Variants in NDST4 observed in about 807,000 individuals in gnomAD.
The protein encoded by NDST4 is N-deacetylase and N-sulfotransferase 4, also known as N-heparan sulfate sulfotransferase 4.
Under a neutral mutation model 100.8 loss-of-function variants are expected in NDST4, and 63 were observed. The ratio of observed to expected loss-of-function variants is 0.62; its 90% confidence interval spans 0.51 to 0.77. NDST4 has a LOEUF of 0.77. Ranked by LOEUF, NDST4 falls within the 30% of genes least tolerant of loss-of-function variation. The pLI is 0.00. For missense variants in NDST4, 943 were observed against 1,018.4 expected (o/e 0.93, Z 1.01); for synonymous variants, 377 against 361.8 (o/e 1.04, Z -0.48).
intron 2 of NDST4, among the ~76,000 whole-genome samples, chr4:115,034,231 TAC>T (rs1728184876): frequency 6.6e-6 from 1 of 152,086 alleles, no homozygotes; most frequent in African/African-American, 2.4e-5. Flanking sequence ...CCAGTGGAAA[TAC>T]AGATTCCTCC....
chr4:115,029,913 T>C (rs755061681), intron 2 of NDST4, among the ~76,000 whole-genome samples: 2 of 152,106 alleles, frequency 1.3e-5, no homozygotes, highest in Non-Finnish European at 2.9e-5. Context: ...AGGGAAAAAG[T>C]TTGTAGCTGA....
chr4:115,076,836 T>G lies in NDST4; in HGVS notation c.201A>C (p.Thr67=). 6.2e-7 allele frequency: 1 copy of G among 1,613,900 alleles called. No individual in the cohort carries two copies. Among genetic ancestry groups the G allele is most frequent in the Non-Finnish European group, 8.5e-7 (1 of 1,179,894 alleles). Residue 67 remains threonine, a synonymous_variant, in exon 2 of 14, where the codon ACA becomes ACC. Coordinates refer to ENST00000264363, the MANE Select transcript of NDST4 (RefSeq NM_022569.3). ...ILPYRSMELK[T]VKPIDTSKTD... ...TTTTGGATGTGTCAATAGGTTTAACTGTTTTCAGCTCCATTGACCTATATG... is the reference window on the plus strand; with the variant it reads ...TTTTGGATGTGTCAATAGGTTTAACGGTTTTCAGCTCCATTGACCTATATG...
intron 1 of NDST4, among the ~76,000 whole-genome samples, chr4:115,085,421 G>C (rs1189829535): frequency 6.6e-6 from 1 of 152,146 alleles, no homozygotes. Flanking sequence ...GAGGACATGA[G>C]ATTTGGGAGG....
chr4:115,040,183 C>T (rs1728321153), intron 2 of NDST4, among the ~76,000 whole-genome samples: 2 of 150,212 alleles, frequency 1.3e-5, no homozygotes, highest in Admixed American at 1.3e-4. Context: ...CAACTTGTTT[C>T]CATGGTTTTT....
chr4:114,843,901 C>T (rs1392897238), intron 10 of NDST4, among the ~76,000 whole-genome samples: 1 of 152,112 alleles, frequency 6.6e-6, no homozygotes, highest in East Asian at 1.9e-4. Context: ...AGAGTGTCAG[C>T]TGACTTCACT....
At chr4:114,841,364 A>G (rs1723419567) in intron 10 of NDST4, among the ~76,000 whole-genome samples, 1 of 152,238 alleles carries the variant, frequency 6.6e-6, no homozygotes, top group Admixed American at 6.5e-5. Flanking sequence ...TACTGAATAG[A>G]CAGGACTAGC....
At chr4:114,894,447 G>T (rs1283821666) in intron 6 of NDST4, among the ~76,000 whole-genome samples, 1 of 152,040 alleles carries the variant, frequency 6.6e-6, no homozygotes, top group African/African-American at 2.4e-5. Flanking sequence ...CTTTGAAGAG[G>T]TCATTACATC....
At chr4:114,978,971 G>C (rs1312180170) in intron 2 of NDST4, among the ~76,000 whole-genome samples, 1 of 152,082 alleles carries the variant, frequency 6.6e-6, no homozygotes, top group Non-Finnish European at 1.5e-5. Flanking sequence ...AGTAGCATGA[G>C]CTCAATAAAT....
At chr4:115,065,996 T>C (rs1728937862) in intron 2 of NDST4, among the ~76,000 whole-genome samples, 1 of 152,164 alleles carries the variant, frequency 6.6e-6, no homozygotes, top group Admixed American at 6.5e-5. Context: ...AAGACTCAAA[T>C]ACCGCATCCT....
At chr4:114,926,596 G>C (rs1434840160) in intron 6 of NDST4, among the ~76,000 whole-genome samples, 1 of 151,758 alleles carries the variant, frequency 6.6e-6, no homozygotes, top group Non-Finnish European at 1.5e-5. Context: ...AAATATCAGA[G>C]ACTTTTGAAC....
chr4:115,072,497 C>A (rs1729098186), intron 2 of NDST4, among the ~76,000 whole-genome samples: 1 of 151,776 alleles, frequency 6.6e-6, no homozygotes, highest in African/African-American at 2.4e-5. Context: ...GACACACAGA[C>A]CAATGGAATA....
intron 6 of NDST4, among the ~76,000 whole-genome samples, chr4:114,877,024 T>C (rs1356925412): frequency 1.3e-5 from 2 of 152,062 alleles, no homozygotes. Flanking sequence ...GCACGCTTAA[T>C]GATTTGTTAA....
At chr4:114,988,973 T>G (rs973530688) in intron 2 of NDST4, among the ~76,000 whole-genome samples, 2 of 152,200 alleles carry the variant, frequency 1.3e-5, no homozygotes, top group African/African-American at 4.8e-5. Context: ...AGATAAATCT[T>G]TTTCTTGTGG....
At chr4:115,065,594 A>G (rs895685891) in intron 2 of NDST4, among the ~76,000 whole-genome samples, 39 of 150,738 alleles carry the variant, frequency 2.6e-4, no homozygotes, top group African/African-American at 9.7e-4. Flanking sequence ...ATTTTAAGAT[A>G]CAATCATTAG....
intron 2 of NDST4, among the ~76,000 whole-genome samples, chr4:115,062,296 A>G (rs1728841792): frequency 6.6e-6 from 1 of 152,092 alleles, no homozygotes; most frequent in Non-Finnish European, 1.5e-5. Context: ...GAAAGAATAT[A>G]CCATAAGCAA....
chr4:114,998,224 G>A (rs963926202), intron 2 of NDST4, among the ~76,000 whole-genome samples: 1 of 152,098 alleles, frequency 6.6e-6, no homozygotes, highest in Admixed American at 6.6e-5. Context: ...TGCAAAAACG[G>A]ATGCTTCACA....
intron 4 of NDST4, among the ~76,000 whole-genome samples, chr4:114,959,139 T>C (rs1428243659): frequency 6.6e-6 from 1 of 152,168 alleles, no homozygotes; most frequent in Admixed American, 6.5e-5. Context: ...TGGACTTCAT[T>C]TTCCAGATCA....
At chr4:115,032,562 T>C (rs1728137616) in intron 2 of NDST4, among the ~76,000 whole-genome samples, 1 of 152,136 alleles carries the variant, frequency 6.6e-6, no homozygotes, top group Non-Finnish European at 1.5e-5. Context: ...CATTTTCTCT[T>C]CTTTGCACTG....
At chr4:114,973,073 A>T (rs920051435) in intron 3 of NDST4, among the ~76,000 whole-genome samples, 1 of 152,078 alleles carries the variant, frequency 6.6e-6, no homozygotes, top group African/African-American at 2.4e-5. Context: ...CACTGGAAAC[A>T]GCTTAATAAA....
Sources: gnomAD v4.1 joint callset for allele counts (sites outside exome capture counted in the v4.1 genomes callset) on GRCh38, gnomAD v4.1.1 for gene constraint, MANE v1.5 for transcripts, NCBI Gene and HGNC (gene_info 2026-07-23, HGNC 2026-07-21) for gene names.